INSC: variants seen among roughly 807,000 people sequenced by gnomAD.
INSC encodes the protein INSC spindle orientation adaptor protein, also known as protein inscuteable homolog.
In INSC, 67 loss-of-function variants were observed where a neutral mutation model predicts 58.6. That is an observed-to-expected ratio of 1.14 (90% CI 0.94 to 1.40). The LOEUF (loss-of-function observed/expected upper bound fraction) is 1.40. Ranked by LOEUF, INSC falls within the 40% of genes most tolerant of loss-of-function variation. The pLI is 0.00. For missense variants in INSC, 714 were observed against 692.0 expected (o/e 1.03, Z -0.36); for synonymous variants, 262 against 276.1 (o/e 0.95, Z 0.51).
chr11:15,134,346 A>C (rs2133711057), intron 1 of INSC, among the ~76,000 whole-genome samples: 1 of 152,328 alleles, frequency 6.6e-6, no homozygotes, highest in Middle Eastern at 3.4e-3. Flanking sequence ...TTGTTAAAAT[A>C]TGAAAAAAAG....
chr11:15,168,828 C>G (rs1435466513), intron 2 of INSC, among the ~76,000 whole-genome samples: 1 of 152,138 alleles, frequency 6.6e-6, no homozygotes, highest in African/African-American at 2.4e-5. Flanking sequence ...AGTTAGGTTT[C>G]TTTATCTGGT....
chr11:15,182,039 A>G (rs1480626926), intron 5 of INSC, among the ~76,000 whole-genome samples: 3 of 152,158 alleles, frequency 2.0e-5, no homozygotes, highest in African/African-American at 7.2e-5. Context: ...GCTGTAGTCC[A>G]GGCTGTCTCT....
chr11:15,228,920 C>G (rs957825738), intron 9 of INSC, among the ~76,000 whole-genome samples: 1 of 152,170 alleles, frequency 6.6e-6, no homozygotes, highest in African/African-American at 2.4e-5. Flanking sequence ...AGGAAGGTGG[C>G]ACGGGCTGCA....
At chr11:15,209,518 T>G (rs1025727778) in intron 7 of INSC, among the ~76,000 whole-genome samples, 1 of 152,058 alleles carries the variant, frequency 6.6e-6, no homozygotes, top group African/African-American at 2.4e-5. Context: ...TGATCCTCCC[T>G]CCTTGGTGCT....
intron 2 of INSC, among the ~76,000 whole-genome samples, chr11:15,153,508 G>A (rs1848715717): frequency 6.6e-6 from 1 of 152,244 alleles, no homozygotes; most frequent in South Asian, 2.1e-4. Context: ...CTTGTGGTGA[G>A]ATGTGCAGAC....
chr11:15,120,063 A>C (rs1408731487), intron 1 of INSC, among the ~76,000 whole-genome samples: 1 of 152,208 alleles, frequency 6.6e-6, no homozygotes, highest in African/African-American at 2.4e-5. Flanking sequence ...TCTTGGGTTA[A>C]GTCACTTACC....
At chr11:15,133,910 T>C (rs1425022261) in intron 1 of INSC, among the ~76,000 whole-genome samples, 2 of 152,244 alleles carry the variant, frequency 1.3e-5, no homozygotes, top group Non-Finnish European at 2.9e-5. Flanking sequence ...GGCTACCATA[T>C]TGTTGGAGAT....
rs1848577841 is a variant in INSC, at chr11:15,149,321, C to T, written c.56+91C>T. On this transcript the variant is annotated intron_variant, in intron 2 of 12. Coordinates refer to ENST00000379556, the MANE Select transcript of INSC (RefSeq NM_001042536.3). ...CCAGCATCCTGAGGCTGCAGGTGAC[C>T]CCATCTTCCCACGCAATTTTCTGGG... 3 of 1,255,456 alleles carry T rather than the reference C, an allele frequency of 2.4e-6. No homozygotes were observed. The Admixed American group carries it at 1.0e-4, about 44-fold the overall frequency. 77.8% of individuals were successfully genotyped at this position (1,255,456 alleles called of 1,614,324 possible).
Position 15,176,020 on chromosome 11 carries a change from C to T in INSC, c.336C>T (p.Cys112=), listed in dbSNP as rs753976384. Residue 112 remains cysteine (C), a synonymous_variant, in exon 3 of 13, where the codon TGC becomes TGT. Transcript: ENST00000379556. The part of the protein sequence containing the change: ...RVHSMSVRLT[C]HARSMVSEYS... ...ACAGCATGAGCGTGCGTCTGACCTGCCATGCCCGCTCCATGGTCAGCGAGT... is the reference window on the plus strand; with the variant it reads ...ACAGCATGAGCGTGCGTCTGACCTGTCATGCCCGCTCCATGGTCAGCGAGT... 6.3e-7 allele frequency: 1 copy of T among 1,588,720 alleles called. No homozygotes were observed. The highest frequency in any genetic ancestry group is 8.6e-7 in the Non-Finnish European group (1 of 1,165,382).
At chr11:15,229,987 AT>A (rs1851829148) in intron 9 of INSC, among the ~76,000 whole-genome samples, 1 of 31,892 alleles carries the variant, frequency 3.1e-5, no homozygotes, top group Non-Finnish European at 5.0e-5. Flanking sequence ...TATTATATAT[AT>A]ATATATATAT....
At chr11:15,128,686 C>T (rs180791637) in intron 1 of INSC, among the ~76,000 whole-genome samples, 105 of 152,304 alleles carry the variant, frequency 6.9e-4, no homozygotes, top group African/African-American at 2.4e-3. Context: ...AACCTGCCAC[C>T]ACATACCTGT....
At chr11:15,171,851 A>C (rs1792528) in intron 2 of INSC, among the ~76,000 whole-genome samples, 125,458 of 152,194 alleles carry the variant, frequency 0.82, 51,965 homozygotes, top group East Asian at 0.98. Flanking sequence ...GTCTGTATGA[A>C]CCTTGGTTCT....
At chr11:15,129,628 C>T (rs1471696961) in intron 1 of INSC, among the ~76,000 whole-genome samples, 1 of 152,176 alleles carries the variant, frequency 6.6e-6, no homozygotes, top group African/African-American at 2.4e-5. Context: ...ATGGCCCTCA[C>T]ATATTTTTGT....
chr11:15,121,882 G>T (rs927365086), intron 1 of INSC, among the ~76,000 whole-genome samples: 2 of 152,060 alleles, frequency 1.3e-5, no homozygotes, highest in African/African-American at 4.8e-5. Context: ...CTGCAAGCTG[G>T]CTTTCTTTGT....
chr11:15,116,313 G>A (rs1408780255), intron 1 of INSC, among the ~76,000 whole-genome samples: 1 of 152,176 alleles, frequency 6.6e-6, no homozygotes, highest in East Asian at 1.9e-4. Flanking sequence ...TGGGTCCCAA[G>A]GCAACCATTT....
At chr11:15,240,092 T>G (rs1852285651) in intron 11 of INSC, among the ~76,000 whole-genome samples, 1 of 152,166 alleles carries the variant, frequency 6.6e-6, no homozygotes, top group Non-Finnish European at 1.5e-5. Flanking sequence ...CTCTCCTCAG[T>G]AAAGCCCTAG....
intron 1 of INSC, among the ~76,000 whole-genome samples, chr11:15,135,917 C>A (rs943544893): frequency 5.3e-5 from 8 of 152,134 alleles, no homozygotes; most frequent in Admixed American, 1.3e-4. Flanking sequence ...CATGGTGATG[C>A]CTTGCATGCT....
intron 1 of INSC, among the ~76,000 whole-genome samples, chr11:15,146,822 C>T (rs573510630): frequency 6.6e-6 from 1 of 152,346 alleles, no homozygotes; most frequent in Non-Finnish European, 1.5e-5. Context: ...CAATTTCTTG[C>T]ATTCAGGCTT....
Position 15,178,351 on chromosome 11 carries a change from C to T in INSC, c.483C>T (p.Val161=), listed in dbSNP as rs777069233. 2.5e-6 allele frequency: 4 copies of T among 1,613,858 alleles called. No individual in the cohort carries two copies. The highest frequency in any genetic ancestry group is 1.1e-5 in the South Asian group (1 of 91,084). The change falls in exon 5 of 13, where the codon GTC becomes GTT. Residue 161 remains valine, a synonymous_variant. Coordinates refer to ENST00000379556, the MANE Select transcript of INSC (RefSeq NM_001042536.3). ...ERCLQVENEH[V]LKSMKACVSE... is the part of the protein sequence containing the mutation. ...GCCTTCAGGTTGAGAATGAGCATGT[C>T]CTGAAGTCAATGAAGGCCTGCGTGA...
Sources: allele counts gnomAD v4.1 joint callset (sites outside exome capture counted in the v4.1 genomes callset), GRCh38; gene constraint gnomAD v4.1.1; transcripts MANE v1.5; gene names NCBI Gene and HGNC (gene_info 2026-07-23, HGNC 2026-07-21).